Variants in ZNF385C observed in about 807,000 individuals in gnomAD.
ZNF385C encodes zinc finger protein 385C, also known as CTD-2132N18.2.
ZNF385C carries 28 observed loss-of-function variants against 35.4 expected under a neutral mutation model. The observed-to-expected ratio is 0.79, with a 90% CI of 0.59 to 1.08. ZNF385C has a LOEUF of 1.08. Ranked by LOEUF, ZNF385C falls within the 50% of genes least tolerant of loss-of-function variation. The pLI, the probability that ZNF385C is intolerant of heterozygous loss-of-function variation, is 0.00. For synonymous variants in ZNF385C, 248 were observed against 248.2 expected (o/e 1.00, Z 0.01); for missense variants, 605 against 595.6 (o/e 1.02, Z -0.16).
At chr17:42,072,021 G>A (rs1395011640) in intron 1 of ZNF385C, among the ~76,000 whole-genome samples, 2 of 152,170 alleles carry the variant, frequency 1.3e-5, no homozygotes, top group African/African-American at 4.8e-5. Flanking sequence ...CACGTTGGGG[G>A]TAGGAAGGGG....
At position 42,053,187 on chromosome 17, in the gene ZNF385C, ACT is replaced by A. The variant is rs782034348; in HGVS notation, c.250+9618_250+9619del. On this transcript the variant is annotated intron_variant, in intron 2 of 8. Transcript: ENST00000692273. The stretch of plus-strand genomic sequence containing the variant: ...ACTCCAAAGCCCAATCACAACATAA[ACT>A]CTGCCCCCAGTCGCACTGCCTCCAG... Among the ~76,000 whole-genome samples, 8 of 151,910 alleles carry A rather than the reference ACT, an allele frequency of 5.3e-5. No individual in the cohort carries two copies. In the East Asian group the frequency reaches 1.2e-3, roughly 22 times the overall value.
At chr17:42,030,309 G>A (rs2052697940) in intron 5 of ZNF385C, among the ~76,000 whole-genome samples, 1 of 152,084 alleles carries the variant, frequency 6.6e-6, no homozygotes, top group Non-Finnish European at 1.5e-5. Flanking sequence ...CCAATATGGT[G>A]AAACCCCGTT....
chr17:42,030,019 C>A (rs893404918), intron 5 of ZNF385C, among the ~76,000 whole-genome samples: 5 of 151,338 alleles, frequency 3.3e-5, no homozygotes, highest in Admixed American at 6.6e-5. Context: ...CAGAGCCAGA[C>A]CCTGTCTCAA....
At chr17:42,091,000 G>T (rs537656094) in intron 1 of ZNF385C, among the ~76,000 whole-genome samples, 6 of 152,302 alleles carry the variant, frequency 3.9e-5, no homozygotes, top group African/African-American at 1.4e-4. Flanking sequence ...TTGGTTAAAT[G>T]AATGAGTAAA....
chr17:42,056,418 C>T (rs2053377344), intron 2 of ZNF385C, among the ~76,000 whole-genome samples: 1 of 152,238 alleles, frequency 6.6e-6, no homozygotes, highest in Non-Finnish European at 1.5e-5. Flanking sequence ...CTAATATATG[C>T]TGTTCTCCTC....
intron 2 of ZNF385C, among the ~76,000 whole-genome samples, chr17:42,055,093 C>T (rs541428347): frequency 5.3e-5 from 8 of 152,250 alleles, no homozygotes; most frequent in African/African-American, 1.9e-4. Context: ...GCCCAGGTCC[C>T]GATGCTAGCC....
chr17:42,096,987 A>AC (rs1441346976), intron 1 of ZNF385C, among the ~76,000 whole-genome samples: 4 of 150,122 alleles, frequency 2.7e-5, no homozygotes, highest in East Asian at 1.9e-4. Context: ...AAAAAAAAAA[A>AC]AAAAAAACCC....
intron 2 of ZNF385C, among the ~76,000 whole-genome samples, chr17:42,052,786 C>T (rs903609400): frequency 2.0e-5 from 3 of 152,198 alleles, no homozygotes; most frequent in East Asian, 3.9e-4. Flanking sequence ...ACACACTCCC[C>T]TTACAAAGTT....
At chr17:42,059,050 G>A (rs1163131860) in intron 2 of ZNF385C, among the ~76,000 whole-genome samples, 1 of 152,212 alleles carries the variant, frequency 6.6e-6, no homozygotes, top group Non-Finnish European at 1.5e-5. Flanking sequence ...GGGAGTGGGT[G>A]TTGGGAGGGT....
intron 1 of ZNF385C, among the ~76,000 whole-genome samples, chr17:42,083,365 C>T (rs937552766): frequency 7.2e-5 from 11 of 151,752 alleles, no homozygotes; most frequent in Admixed American, 2.0e-4. Context: ...AACACGCCCC[C>T]GCTAATTTTT....
At position 42,037,854 on chromosome 17, in the gene ZNF385C, C is replaced by G; in HGVS notation, c.282G>C (p.Leu94=). Residue 94 remains leucine (L), a synonymous_variant, in exon 3 of 9, where the codon CTG becomes CTC. Transcript: ENST00000692273. ...GGGTGGGCAGGGGCAGGGAGGCCAG[C>G]AGGGGGCTGGGGGCGCCGGAGGCCG... ...AGPASGAPSP[L]LASLPLPTRP... 2.6e-6 allele frequency: 4 copies of G among 1,518,714 alleles called. No individual in the cohort carries two copies. Among genetic ancestry groups the G allele is most frequent in the Non-Finnish European group, 3.5e-6 (4 of 1,131,310 alleles). The allele number at this position is 1,518,714 out of a possible 1,614,324, so 94.1% of individuals were successfully genotyped here. A position where few individuals can be genotyped will look rare whatever the true frequency, so the allele number is the denominator to read the frequency against.
In ZNF385C at chr17:42,050,713, G is replaced by A. The variant is rs1333616001; in HGVS notation, c.250+12094C>T. On this transcript the variant is annotated intron_variant, in intron 2 of 8. Coordinates refer to ENST00000692273, the MANE Select transcript of ZNF385C (RefSeq NM_001392013.1). This position sits in a 1 kb window ranked among gnomAD's most constrained non-coding sequence, Gnocchi z 5.6. ...CGGGCAGGGCGGGCGGCGCCCCCGG[G>A]GCTCACCTGGCCGCGCCCACCTGCG... The A allele has an allele frequency of 2.0e-5, 3 of 150,494 alleles. No homozygotes were observed. The highest frequency in any genetic ancestry group is 2.4e-5 in the African/African-American group (1 of 41,148). 9.3% of individuals were successfully genotyped at this position (150,494 alleles called of 1,614,324 possible).
intron 2 of ZNF385C, chr17:42,040,459 A>C: frequency 1.6e-6 from 2 of 1,232,176 alleles, no homozygotes; most frequent in Non-Finnish European, 2.0e-6. Flanking sequence ...CAGCAAGGCC[A>C]AGTCCGGCTC....
intron 2 of ZNF385C, among the ~76,000 whole-genome samples, chr17:42,055,469 G>A (rs1033977503): frequency 5.3e-5 from 8 of 152,146 alleles, no homozygotes; most frequent in Non-Finnish European, 7.3e-5. Flanking sequence ...CGGGAAGAGC[G>A]TGGGGCACTT....
chr17:42,097,450 C>T lies in ZNF385C; in HGVS notation c.-3+960G>A, dbSNP rs189937392. ...TAGACAGACAAGGAAGCCCCCCTCC[C>T]CCCATTGTCACCCGTGTCTGTCCAA... On this transcript the variant is annotated intron_variant, in intron 1 of 8. Coordinates refer to ENST00000692273, the MANE Select transcript of ZNF385C (RefSeq NM_001392013.1). Among the ~76,000 whole-genome samples the T allele has an allele frequency of 3.1e-3, 467 of 152,264 alleles. 5 individuals carry two copies. The highest frequency in any genetic ancestry group is 3.1e-4 in the Non-Finnish European group (21 of 68,022).
At position 42,050,404 on chromosome 17, in the gene ZNF385C, G is replaced by A. The variant is rs1446964146; in HGVS notation, c.250+12403C>T. 3.9e-5 allele frequency among the ~76,000 whole-genome samples: 6 copies of A among 152,088 alleles called. No individual in the cohort carries two copies. The highest frequency in any genetic ancestry group is 1.4e-4 in the African/African-American group (6 of 41,416). ...CGCATCCTCCCGGGGGCTGGGACGG[G>A]GAGGGCTGAGGAACTTCCTCTGGGG... On this transcript the variant is annotated intron_variant, in intron 2 of 8. Transcript: ENST00000692273. This position sits in a 1 kb window ranked among gnomAD's most constrained non-coding sequence, Gnocchi z 5.6.
At chr17:42,044,100 G>GT (rs1243292696) in intron 2 of ZNF385C, among the ~76,000 whole-genome samples, 10 of 138,282 alleles carry the variant, frequency 7.2e-5, no homozygotes, top group African/African-American at 2.7e-4. Flanking sequence ...AAGCCCAGGA[G>GT]TTCAAGACCA....
chr17:42,070,309 A>C (rs1386575525), intron 1 of ZNF385C, among the ~76,000 whole-genome samples: 1 of 152,190 alleles, frequency 6.6e-6, no homozygotes, highest in Non-Finnish European at 1.5e-5. Flanking sequence ...GCGCCACTGC[A>C]CTCCAGCCTG....
intron 2 of ZNF385C, chr17:42,042,712 G>A: frequency 1.4e-6 from 1 of 705,212 alleles, no homozygotes; most frequent in Non-Finnish European, 2.0e-6. Flanking sequence ...GTTCTGAAGG[G>A]TGAAGATATG....
Sources: allele counts gnomAD v4.1 joint callset (sites outside exome capture counted in the v4.1 genomes callset), GRCh38; gene constraint gnomAD v4.1.1; non-coding constraint Gnocchi (gnomAD v3.1); transcripts MANE v1.5; gene names NCBI Gene and HGNC (gene_info 2026-07-23, HGNC 2026-07-21).